Variants in FAM107B observed in about 807,000 individuals in gnomAD.
FAM107B encodes family with sequence similarity 107 member B.
In FAM107B, 21 loss-of-function variants were observed where a neutral mutation model predicts 31.5. The ratio of observed to expected loss-of-function variants is 0.67; its 90% CI spans 0.47 to 0.96. FAM107B has a LOEUF of 0.96. Among genes scored for constraint, FAM107B ranks in the 40% least tolerant of loss-of-function variants. The pLI is 0.00. For missense variants in FAM107B, 452 were observed against 377.1 expected, an observed-to-expected ratio of 1.20 and a Z score of -1.64; for synonymous variants, 157 against 141.5, an observed-to-expected ratio of 1.11 and a Z score of -0.78.
intron 1 of FAM107B, among the ~76,000 whole-genome samples, chr10:14,703,598 G>C (rs1855454700): frequency 6.6e-6 from 1 of 152,106 alleles, no homozygotes; most frequent in South Asian, 2.1e-4. Flanking sequence ...GCCTCCCAAA[G>C]TGCTAGGATT....
intron 1 of FAM107B, among the ~76,000 whole-genome samples, chr10:14,709,109 G>A (rs1855583248): frequency 6.6e-6 from 1 of 152,148 alleles, no homozygotes. Context: ...ATACAAAATG[G>A]TGCAGCCACT....
chr10:14,602,437 A>G (rs549264195), intron 2 of FAM107B: 2 of 152,260 alleles, frequency 1.3e-5, no homozygotes, highest in Non-Finnish European at 2.9e-5. Context: ...GTAATGACAA[A>G]AGCGTCCAGT....
intron 2 of FAM107B, among the ~76,000 whole-genome samples, chr10:14,599,747 A>T (rs1852309450): frequency 6.7e-6 from 1 of 149,858 alleles, no homozygotes; most frequent in South Asian, 2.1e-4. Flanking sequence ...TTCTATTTCC[A>T]TAGAACATAC....
At chr10:14,629,361 T>A (rs1272229638) in intron 2 of FAM107B, among the ~76,000 whole-genome samples, 15 of 69,348 alleles carry the variant, frequency 2.2e-4, no homozygotes, top group East Asian at 8.2e-4. Flanking sequence ...ATATAATATA[T>A]ATTATATATT....
intron 2 of FAM107B, among the ~76,000 whole-genome samples, chr10:14,646,789 CTTTTTTTTTTTT>C (rs369557470): frequency 1.2e-5 from 1 of 86,770 alleles, no homozygotes. Context: ...CCATTTTCTC[CTTTTTTTTTTTT>C]TTTTTTTTTT....
chr10:14,555,809 A>C (rs1350722971), intron 2 of FAM107B: 2 of 152,090 alleles, frequency 1.3e-5, no homozygotes, highest in African/African-American at 4.8e-5. Flanking sequence ...CTCAGCATCA[A>C]AGTATTCTCA....
chr10:14,609,721 G>A (rs1418053239), intron 2 of FAM107B, among the ~76,000 whole-genome samples: 1 of 152,178 alleles, frequency 6.6e-6, no homozygotes. Context: ...CTAGATTAGG[G>A]TATGACTGAA....
At chr10:14,662,252 C>T (rs1854261924) in intron 2 of FAM107B, among the ~76,000 whole-genome samples, 1 of 152,168 alleles carries the variant, frequency 6.6e-6, no homozygotes, top group Non-Finnish European at 1.5e-5. Context: ...AGCACACAGT[C>T]GAACGGAGTC....
chr10:14,693,687 A>G (rs533437913), intron 1 of FAM107B, among the ~76,000 whole-genome samples: 4 of 152,224 alleles, frequency 2.6e-5, no homozygotes, highest in African/African-American at 9.6e-5. Context: ...TGTTGTACAT[A>G]ACATTCCTAG....
intron 2 of FAM107B, among the ~76,000 whole-genome samples, chr10:14,611,388 C>T (rs1852718647): frequency 6.6e-6 from 1 of 150,816 alleles, no homozygotes; most frequent in African/African-American, 2.4e-5. Flanking sequence ...ACTTTTTTTT[C>T]TTCTTTCTGA....
intron 1 of FAM107B, among the ~76,000 whole-genome samples, chr10:14,740,252 A>G (rs1258217098): frequency 6.6e-6 from 1 of 152,224 alleles, no homozygotes; most frequent in African/African-American, 2.4e-5. Flanking sequence ...TGGAACATCC[A>G]GACAATGGCC....
intron 2 of FAM107B, among the ~76,000 whole-genome samples, chr10:14,610,533 A>C (rs1852701346): frequency 6.6e-6 from 1 of 152,224 alleles, no homozygotes; most frequent in South Asian, 2.1e-4. Context: ...CATTTGTGGA[A>C]AATCTTTGTG....
intron 3 of FAM107B, chr10:14,522,277 T>A (rs944581820): frequency 4.0e-5 from 18 of 450,564 alleles, no homozygotes; most frequent in African/African-American, 5.9e-5. Flanking sequence ...TGCAAGACAC[T>A]AGGCTACGCA....
intron 2 of FAM107B, among the ~76,000 whole-genome samples, chr10:14,601,559 C>A (rs544793182): frequency 5.3e-5 from 8 of 152,140 alleles, no homozygotes; most frequent in African/African-American, 1.9e-4. Flanking sequence ...ACATCCCACT[C>A]CACAGCAGCT....
chr10:14,715,174 A>G (rs1855753360), intron 1 of FAM107B, among the ~76,000 whole-genome samples: 1 of 152,216 alleles, frequency 6.6e-6, no homozygotes, highest in Non-Finnish European at 1.5e-5. Context: ...GAGAATACAA[A>G]GAGTGGGGGA....
intron 1 of FAM107B, among the ~76,000 whole-genome samples, chr10:14,684,430 T>A (rs546836911): frequency 6.6e-6 from 1 of 152,136 alleles, no homozygotes; most frequent in Admixed American, 6.5e-5. Context: ...CCAGCCTGGG[T>A]GACACAGCAA....
intron 1 of FAM107B, among the ~76,000 whole-genome samples, chr10:14,678,891 C>A (rs1487182934): frequency 1.3e-5 from 2 of 152,188 alleles, no homozygotes; most frequent in Non-Finnish European, 2.9e-5. Context: ...CCAGTCAATT[C>A]TAAAACATGC....
At chr10:14,634,360 A>G (rs1853443486) in intron 2 of FAM107B, among the ~76,000 whole-genome samples, 1 of 151,048 alleles carries the variant, frequency 6.6e-6, no homozygotes, top group Admixed American at 6.6e-5. Context: ...AGAGCATGCC[A>G]CTGCACTCCA....
chr10:14,664,525 T>C (rs370362550), intron 2 of FAM107B, among the ~76,000 whole-genome samples: 1 of 152,234 alleles, frequency 6.6e-6, no homozygotes, highest in Non-Finnish European at 1.5e-5. Context: ...TACTTACCAC[T>C]GTGTTATAAT....
Sources: gnomAD v4.1 joint callset for allele counts (sites outside exome capture counted in the v4.1 genomes callset) on GRCh38, gnomAD v4.1.1 for gene constraint, MANE v1.5 for transcripts, NCBI Gene and HGNC (gene_info 2026-07-23, HGNC 2026-07-21) for gene names.